The following PRDM16 variants were observed in gnomAD, a reference collection of about 807,000 sequenced individuals.
PRDM16 encodes the protein histone-lysine N-methyltransferase PRDM16.
PRDM16 carries 23 observed loss-of-function variants against 110.6 expected under a neutral mutation model. That is an observed-to-expected ratio of 0.21 (90% CI 0.15 to 0.29). PRDM16 has a LOEUF of 0.29. Among genes scored for constraint, PRDM16 ranks in the 10% least tolerant of loss-of-function variants. The pLI is 1.00. For synonymous variants in PRDM16, 799 were observed against 781.8 expected (o/e 1.02, Z -0.37); for missense variants, 1,615 against 1,794.3 (o/e 0.90, Z 1.81).
chr1:3,305,269 T>C (rs1388761639), intron 3 of PRDM16, among the ~76,000 whole-genome samples: 6 of 152,122 alleles, frequency 3.9e-5, no homozygotes, highest in Non-Finnish European at 8.8e-5. Context: ...GTCAGCCGCA[T>C]CTCCGCAGGC....
At chr1:3,125,239 C>A (rs1335188310) in intron 1 of PRDM16, among the ~76,000 whole-genome samples, 1 of 152,278 alleles carries the variant, frequency 6.6e-6, no homozygotes, top group Non-Finnish European at 1.5e-5. Context: ...TGAATCACTC[C>A]GGCTGAGGCT....
In PRDM16 at chr1:3,163,773, G is replaced by A. The variant is rs553166972; in HGVS notation, c.38-22352G>A. 9.7e-4 allele frequency among the ~76,000 whole-genome samples: 147 copies of A among 152,276 alleles called. 1 individual carries two copies. Among genetic ancestry groups the A allele is most frequent in the East Asian group, 1.7e-3 (9 of 5,186 alleles). Reference sequence around the variant, plus strand: ...CTGTGTGCATGTCATATTCTACCCCGTGCGTGTTCACGTCCAGAGCCGTGT... The same window carrying A: ...CTGTGTGCATGTCATATTCTACCCCATGCGTGTTCACGTCCAGAGCCGTGT... On this transcript the variant is annotated intron_variant, in intron 1 of 16. Coordinates refer to ENST00000270722, the MANE Select transcript of PRDM16 (RefSeq NM_022114.4).
At chr1:3,196,010 C>T (rs1461363836) in intron 2 of PRDM16, among the ~76,000 whole-genome samples, 1 of 152,184 alleles carries the variant, frequency 6.6e-6, no homozygotes, top group Admixed American at 6.5e-5. Flanking sequence ...ACAGGGGAAC[C>T]CGGGGCTGAG....
Position 3,435,647 on chromosome 1 carries a change from G to A in PRDM16, c.*1836G>A, listed in dbSNP as rs1638886516. On this transcript the variant is annotated 3_prime_UTR_variant, in exon 17 of 17. Transcript: ENST00000270722. ...CAGGAGTGGTGCAAGCCGCCTTGGTGTGGGTTTGTGTCACGTGTGGACATC... is the reference window on the plus strand; with the variant it reads ...CAGGAGTGGTGCAAGCCGCCTTGGTATGGGTTTGTGTCACGTGTGGACATC... 4.3e-6 allele frequency: 1 copy of A among 232,932 alleles called. No individual in the cohort carries two copies. Among genetic ancestry groups the A allele is most frequent in the Admixed American group, 5.6e-5 (1 of 17,772 alleles). The allele number at this position is 232,932 out of a possible 1,614,324, so 14.4% of individuals were successfully genotyped here.
At chr1:3,387,176 C>G (rs1306668046) in intron 4 of PRDM16, among the ~76,000 whole-genome samples, 1 of 152,158 alleles carries the variant, frequency 6.6e-6, no homozygotes, top group African/African-American at 2.4e-5. Context: ...CGTTCCTTCC[C>G]TTTACCCCAC....
At chr1:3,373,693 G>A (rs1009489319) in intron 3 of PRDM16, among the ~76,000 whole-genome samples, 7 of 152,200 alleles carry the variant, frequency 4.6e-5, no homozygotes, top group Non-Finnish European at 8.8e-5. Context: ...AAGCGGGGCT[G>A]GGGCATCAGT....
chr1:3,311,494 C>T (rs1376504741), intron 3 of PRDM16, among the ~76,000 whole-genome samples: 1 of 152,214 alleles, frequency 6.6e-6, no homozygotes, highest in African/African-American at 2.4e-5. Context: ...TCAGGGTAGC[C>T]TGGAGCTGCA....
Position 3,390,772 on chromosome 1 carries a change from A to C in PRDM16, c.573+5486A>C, listed in dbSNP as rs1643285191. Among the ~76,000 whole-genome samples, 2 of 149,814 alleles carry C rather than the reference A, an allele frequency of 1.3e-5. No individual in the cohort carries two copies. Among genetic ancestry groups the C allele is most frequent in the Non-Finnish European group, 3.0e-5 (2 of 67,734 alleles). ...AAACAGAGGGCATCCAACACCCATCATCTTGTTCTGCCCCGACCCCAGACA... is the reference window on the plus strand; with the variant it reads ...AAACAGAGGGCATCCAACACCCATCCTCTTGTTCTGCCCCGACCCCAGACA... On this transcript the variant is annotated intron_variant, in intron 4 of 16. Coordinates refer to ENST00000270722, the MANE Select transcript of PRDM16 (RefSeq NM_022114.4). The surrounding 1 kb of genome is among the most constrained non-coding windows in gnomAD (Gnocchi z 5.0).
chr1:3,161,970 A>G (rs1643901434), intron 1 of PRDM16, among the ~76,000 whole-genome samples: 1 of 151,978 alleles, frequency 6.6e-6, no homozygotes, highest in South Asian at 2.1e-4. Flanking sequence ...CGCTCAGGGC[A>G]CTCGGTTGGA....
intron 3 of PRDM16, among the ~76,000 whole-genome samples, chr1:3,322,996 C>A (rs1480173183): frequency 6.6e-6 from 1 of 152,174 alleles, no homozygotes; most frequent in African/African-American, 2.4e-5. Flanking sequence ...CGATGTGGGT[C>A]CCTTTGGTCC....
chr1:3,154,396 A>G (rs1211253301), intron 1 of PRDM16, among the ~76,000 whole-genome samples: 1 of 152,148 alleles, frequency 6.6e-6, no homozygotes, highest in Non-Finnish European at 1.5e-5. Context: ...CACATTCTAT[A>G]GGAATAACTT....
intron 3 of PRDM16, among the ~76,000 whole-genome samples, chr1:3,258,689 G>T (rs911442739): frequency 1.3e-5 from 2 of 152,220 alleles, no homozygotes; most frequent in Non-Finnish European, 2.9e-5. Flanking sequence ...AAAAGAGTCT[G>T]GTCTGGTGTT....
At chr1:3,407,246 C>A (rs916737980) in intron 8 of PRDM16, among the ~76,000 whole-genome samples, 1 of 152,232 alleles carries the variant, frequency 6.6e-6, no homozygotes, top group African/African-American at 2.4e-5. Context: ...TGTGCCCGTC[C>A]CACCCACCTC....
chr1:3,298,512 G>A (rs973486939), intron 3 of PRDM16, among the ~76,000 whole-genome samples: 2 of 152,140 alleles, frequency 1.3e-5, no homozygotes, highest in African/African-American at 2.4e-5. Flanking sequence ...CCCACCCCCC[G>A]GCCCGGAGAG....
chr1:3,284,881 G>A (rs1640811121), intron 3 of PRDM16, among the ~76,000 whole-genome samples: 2 of 152,200 alleles, frequency 1.3e-5, no homozygotes, highest in Admixed American at 6.5e-5. Context: ...GTCTGCAGCC[G>A]CCAGGGCAGC....
chr1:3,356,445 G>C (rs1040900458), intron 3 of PRDM16, among the ~76,000 whole-genome samples: 1 of 152,224 alleles, frequency 6.6e-6, no homozygotes, highest in Non-Finnish European at 1.5e-5. Context: ...GGGAGTGGGG[G>C]AGGCAAGCAT....
intron 1 of PRDM16, among the ~76,000 whole-genome samples, chr1:3,119,321 C>A (rs1643039319): frequency 1.3e-5 from 2 of 152,256 alleles, no homozygotes; most frequent in Admixed American, 6.5e-5. Context: ...GGGTGACCCG[C>A]TGCAGGCTTG....
chr1:3,404,943 C>T (rs1283413458), intron 7 of PRDM16, 57 bp downstream of exon 7: 4 of 1,565,458 alleles, frequency 2.6e-6, no homozygotes, highest in South Asian at 2.4e-5. Flanking sequence ...TGCAGACGGG[C>T]GCCCGCCCCC....
intron 3 of PRDM16, among the ~76,000 whole-genome samples, chr1:3,256,835 C>T (rs550260526): frequency 1.6e-3 from 236 of 151,410 alleles, no homozygotes; most frequent in African/African-American, 5.4e-3. Flanking sequence ...CCAGCCTGGG[C>T]GACAGAGTGC....
Sources: allele counts gnomAD v4.1 joint callset (sites outside exome capture counted in the v4.1 genomes callset), GRCh38; gene constraint gnomAD v4.1.1; non-coding constraint Gnocchi (gnomAD v3.1); transcripts MANE v1.5; gene names NCBI Gene and HGNC (gene_info 2026-07-23, HGNC 2026-07-21).